Variants in KCNIP4 observed in about 807,000 individuals in gnomAD.
KCNIP4 encodes the protein potassium voltage-gated channel interacting protein 4, also known as Kv channel-interacting protein 4.
A neutral mutation model predicts 34.0 loss-of-function variants in KCNIP4; 12 were observed. That is an observed-to-expected ratio of 0.35 (90% CI 0.23 to 0.57). The LOEUF (loss-of-function observed/expected upper bound fraction) is 0.57. Among genes scored for constraint, KCNIP4 ranks in the 20% least tolerant of loss-of-function variants. The probability of loss-of-function intolerance (pLI) is 0.83; values close to 1 mark genes in which losing one functional copy is unlikely to be tolerated. For missense variants in KCNIP4, 238 were observed against 311.7 expected (o/e 0.76, Z 1.78); for synonymous variants, 124 against 102.2 (o/e 1.21, Z -1.29).
intron 1 of KCNIP4, among the ~76,000 whole-genome samples, chr4:20,995,949 G>A (rs181132073): frequency 6.6e-6 from 1 of 152,294 alleles, no homozygotes; most frequent in Non-Finnish European, 1.5e-5. Context: ...TTTAAAGTGT[G>A]GTAGGATTTC....
At position 21,259,920 on chromosome 4, in the gene KCNIP4, T is replaced by TGTGTGTGTGTGTGTGTGTGC. The variant is rs755266993; in HGVS notation, c.62-377212_62-377211insGCACACACACACACACACAC. On this transcript the variant is annotated intron_variant, in intron 1 of 8. Coordinates refer to ENST00000382152, the MANE Select transcript of KCNIP4 (RefSeq NM_025221.6). ...GTGTGTGTGTGTGTGTGTGTGTGTGTGCACGTGCGCTTATGTGCATTGTGC... is the reference window on the plus strand; with the variant it reads ...GTGTGTGTGTGTGTGTGTGTGTGTGTGTGTGTGTGTGTGTGTGTGCGCACGTGCGCTTATGTGCATTGTGC... Among the ~76,000 whole-genome samples, 20 of 150,200 alleles carry TGTGTGTGTGTGTGTGTGTGC rather than the reference T, an allele frequency of 1.3e-4. No homozygotes were observed. The East Asian group carries it at 1.6e-3, about 12-fold the overall frequency.
chr4:20,879,567 A>C (rs1485636048), intron 2 of KCNIP4, among the ~76,000 whole-genome samples: 2 of 152,238 alleles, frequency 1.3e-5, no homozygotes, highest in Admixed American at 6.5e-5. Flanking sequence ...CAAACATTTA[A>C]GAATGTCTAT....
chr4:21,918,054 T>C (rs1728737563), intron 1 of KCNIP4, among the ~76,000 whole-genome samples: 1 of 152,060 alleles, frequency 6.6e-6, no homozygotes, highest in Admixed American at 6.5e-5. Context: ...ACACCCCCAT[T>C]AGGTGGTGGC....
intron 1 of KCNIP4, among the ~76,000 whole-genome samples, chr4:21,516,522 C>A (rs1734772059): frequency 6.6e-6 from 1 of 152,100 alleles, no homozygotes; most frequent in Admixed American, 6.6e-5. Flanking sequence ...TGGTTGTTGA[C>A]ATCTGTCAGA....
At chr4:21,453,464 G>T (rs1728677746) in intron 1 of KCNIP4, among the ~76,000 whole-genome samples, 1 of 152,078 alleles carries the variant, frequency 6.6e-6, no homozygotes. Context: ...AGAACTAAAT[G>T]ATCAGCAGAA....
intron 1 of KCNIP4, among the ~76,000 whole-genome samples, chr4:21,053,363 T>C (rs1007317627): frequency 6.6e-6 from 1 of 152,114 alleles, no homozygotes; most frequent in Admixed American, 6.5e-5. Context: ...AGAGGAAAAT[T>C]TTCTCAGTTT....
intron 3 of KCNIP4, among the ~76,000 whole-genome samples, chr4:20,789,165 A>G (rs373951249): frequency 2.0e-5 from 3 of 152,156 alleles, no homozygotes; most frequent in African/African-American, 4.8e-5. Context: ...AGCTTCCCAT[A>G]AGGTTTATTT....
At chr4:21,245,046 C>A (rs1283808158) in intron 1 of KCNIP4, among the ~76,000 whole-genome samples, 1 of 152,076 alleles carries the variant, frequency 6.6e-6, no homozygotes, top group East Asian at 1.9e-4. Context: ...GAGTAACAAC[C>A]CAGGGCATGG....
intron 1 of KCNIP4, among the ~76,000 whole-genome samples, chr4:21,250,617 A>G (rs958788209): frequency 6.6e-6 from 1 of 152,048 alleles, no homozygotes; most frequent in African/African-American, 2.4e-5. Context: ...TCAAAACTAT[A>G]TTTTTACTTA....
intron 1 of KCNIP4, among the ~76,000 whole-genome samples, chr4:21,363,504 G>A (rs140876098): frequency 6.6e-6 from 1 of 152,134 alleles, no homozygotes; most frequent in Non-Finnish European, 1.5e-5. Context: ...ATCACCAGGT[G>A]CTTTCATCAT....
At chr4:21,367,105 A>G (rs1719857155) in intron 1 of KCNIP4, among the ~76,000 whole-genome samples, 1 of 152,104 alleles carries the variant, frequency 6.6e-6, no homozygotes, top group South Asian at 2.1e-4. Context: ...AAAAGTGGAG[A>G]GAACAGCCCT....
chr4:21,133,799 T>C (rs1751285513), intron 1 of KCNIP4, among the ~76,000 whole-genome samples: 1 of 152,158 alleles, frequency 6.6e-6, no homozygotes, highest in Non-Finnish European at 1.5e-5. Flanking sequence ...TGTATTTTGT[T>C]TTCTAATTTT....
chr4:21,427,301 G>A (rs1198653314), intron 1 of KCNIP4, among the ~76,000 whole-genome samples: 1 of 150,180 alleles, frequency 6.7e-6, no homozygotes, highest in East Asian at 2.0e-4. Context: ...GTTAAGCCAC[G>A]GGAATAAATA....
At chr4:21,724,971 T>A (rs1467470904) in intron 1 of KCNIP4, among the ~76,000 whole-genome samples, 1 of 152,122 alleles carries the variant, frequency 6.6e-6, no homozygotes, top group Non-Finnish European at 1.5e-5. Flanking sequence ...TACTCTTTCC[T>A]TTCTGGAGTT....
intron 1 of KCNIP4, among the ~76,000 whole-genome samples, chr4:21,121,501 G>A (rs943790896): frequency 1.2e-4 from 18 of 152,336 alleles, no homozygotes; most frequent in South Asian, 8.3e-4. Flanking sequence ...GTCTTAGAAA[G>A]TAAAAGTGCT....
intron 1 of KCNIP4, among the ~76,000 whole-genome samples, chr4:21,169,300 G>A (rs760746248): frequency 5.9e-5 from 9 of 151,802 alleles, no homozygotes; most frequent in Non-Finnish European, 1.3e-4. Context: ...CTGTAGGTTG[G>A]CACCACCATG....
intron 1 of KCNIP4, among the ~76,000 whole-genome samples, chr4:21,705,966 T>A (rs568929509): frequency 6.6e-6 from 1 of 152,262 alleles, no homozygotes; most frequent in Admixed American, 6.5e-5. Flanking sequence ...TGTGCAAGGA[T>A]CCCACTGCCT....
At chr4:21,258,351 T>C (rs887018290) in intron 1 of KCNIP4, among the ~76,000 whole-genome samples, 1 of 152,156 alleles carries the variant, frequency 6.6e-6, no homozygotes. Context: ...ATTCCTCAAA[T>C]AGATGCTGCA....
intron 1 of KCNIP4, among the ~76,000 whole-genome samples, chr4:21,736,794 T>A (rs758510603): frequency 1.8e-4 from 27 of 152,198 alleles, no homozygotes; most frequent in Non-Finnish European, 3.8e-4. Context: ...TCTATTTTTG[T>A]ATCCCAGGGA....
Sources: allele counts gnomAD v4.1 joint callset (sites outside exome capture counted in the v4.1 genomes callset), GRCh38; gene constraint gnomAD v4.1.1; transcripts MANE v1.5; gene names NCBI Gene and HGNC (gene_info 2026-07-23, HGNC 2026-07-21).